GPC6: variants seen among roughly 807,000 people sequenced by gnomAD.
The protein encoded by GPC6 is glypican-6.
In GPC6, 14 loss-of-function variants were observed where a neutral mutation model predicts 55.2. The observed-to-expected ratio is 0.25, with a 90% CI of 0.17 to 0.40. The LOEUF (loss-of-function observed/expected upper bound fraction) is 0.40, where lower values mean the gene tolerates loss of function less well. Ranked by LOEUF, GPC6 falls within the 10% of genes least tolerant of loss-of-function variation. GPC6 has a pLI of 1.00. For missense variants in GPC6, 641 were observed against 708.5 expected, an observed-to-expected ratio of 0.90 and a Z score of 1.08; for synonymous variants, 278 against 259.6, an observed-to-expected ratio of 1.07 and a Z score of -0.68.
intron 6 of GPC6, among the ~76,000 whole-genome samples, chr13:94,332,131 CT>C: frequency 6.6e-6 from 1 of 152,306 alleles, no homozygotes; most frequent in South Asian, 2.1e-4. Flanking sequence ...ATTCCTTTGA[CT>C]ATTACCCGAT....
chr13:93,312,560 C>A (rs529445423), intron 1 of GPC6, among the ~76,000 whole-genome samples: 1 of 152,148 alleles, frequency 6.6e-6, no homozygotes, highest in East Asian at 1.9e-4. Flanking sequence ...CTTGTGATTG[C>A]TTTGAAAAGG....
intron 1 of GPC6, among the ~76,000 whole-genome samples, chr13:93,365,817 A>G (rs1881227393): frequency 2.0e-5 from 3 of 152,066 alleles, no homozygotes; most frequent in Admixed American, 6.6e-5. Flanking sequence ...AGCTGACACT[A>G]TCTCCTTGTG....
At chr13:93,954,535 A>G (rs1250815427) in intron 3 of GPC6, among the ~76,000 whole-genome samples, 1 of 152,098 alleles carries the variant, frequency 6.6e-6, no homozygotes, top group Non-Finnish European at 1.5e-5. Context: ...ATGCCTTTTT[A>G]TATTCCCAAG....
At chr13:93,251,704 T>C (rs1219059091) in intron 1 of GPC6, among the ~76,000 whole-genome samples, 1 of 152,176 alleles carries the variant, frequency 6.6e-6, no homozygotes, top group Non-Finnish European at 1.5e-5. Context: ...CTTCATGACA[T>C]GTGGTGATAA....
At chr13:93,381,445 AATT>A (rs1875165620) in intron 1 of GPC6, among the ~76,000 whole-genome samples, 1 of 152,164 alleles carries the variant, frequency 6.6e-6, no homozygotes, top group African/African-American at 2.4e-5. Flanking sequence ...TTTAAATCAT[AATT>A]ATTAATTCTT....
intron 1 of GPC6, among the ~76,000 whole-genome samples, chr13:93,274,107 T>C (rs1877647185): frequency 6.6e-6 from 1 of 152,202 alleles, no homozygotes; most frequent in African/African-American, 2.4e-5. Flanking sequence ...TGCCTCATTT[T>C]TTAAGGGAAA....
chr13:94,191,303 G>T (rs1047524936), intron 4 of GPC6, among the ~76,000 whole-genome samples: 1 of 152,144 alleles, frequency 6.6e-6, no homozygotes, highest in Non-Finnish European at 1.5e-5. Context: ...AAATCTTCTT[G>T]GTATTCCATG....
intron 2 of GPC6, among the ~76,000 whole-genome samples, chr13:93,679,406 G>A (rs532660080): frequency 6.6e-6 from 1 of 152,306 alleles, no homozygotes; most frequent in African/African-American, 2.4e-5. Flanking sequence ...ATGACTGGAA[G>A]AGTGGCAATT....
intron 2 of GPC6, among the ~76,000 whole-genome samples, chr13:93,597,007 C>CAAAAAAA (rs10709473): frequency 3.1e-4 from 21 of 68,054 alleles, no homozygotes; most frequent in African/African-American, 5.4e-4. Flanking sequence ...TCAAATCTGG[C>CAAAAAAA]AAAAAAAAAA....
chr13:93,839,563 C>G (rs540179753), intron 3 of GPC6, among the ~76,000 whole-genome samples: 1 of 152,058 alleles, frequency 6.6e-6, no homozygotes, highest in Admixed American at 6.6e-5. Context: ...GGCTTATCAC[C>G]GTTTACACTG....
At chr13:94,027,157 CA>C (rs1286803653) in intron 3 of GPC6, among the ~76,000 whole-genome samples, 3 of 152,154 alleles carry the variant, frequency 2.0e-5, no homozygotes, top group Non-Finnish European at 4.4e-5. Context: ...TTGCTTCTCA[CA>C]TTTAACACTG....
Position 94,052,942 on chromosome 13 carries a change from C to A in GPC6, c.877+25048C>A, listed in dbSNP as rs1288124053. Among the ~76,000 whole-genome samples the A allele has an allele frequency of 3.3e-5, 5 of 152,086 alleles. No homozygotes were observed. In the East Asian group the frequency reaches 9.7e-4, roughly 29 times the overall value. Reference sequence around the variant, plus strand: ...ACCTTGGGGCCACTACTCTGGGACTCTATTCTCTCTCAAGTGGCCTCTTAC... The same window carrying A: ...ACCTTGGGGCCACTACTCTGGGACTATATTCTCTCTCAAGTGGCCTCTTAC... On this transcript the variant is annotated intron_variant, in intron 4 of 8. Transcript: ENST00000377047.
At chr13:93,982,487 A>C (rs1409298862) in intron 3 of GPC6, among the ~76,000 whole-genome samples, 2 of 152,182 alleles carry the variant, frequency 1.3e-5, no homozygotes, top group Non-Finnish European at 2.9e-5. Flanking sequence ...TGAAAAGGGC[A>C]GTTTTAAAGA....
At chr13:93,551,379 G>A (rs958922974) in intron 2 of GPC6, among the ~76,000 whole-genome samples, 1 of 151,652 alleles carries the variant, frequency 6.6e-6, no homozygotes, top group African/African-American at 2.4e-5. Context: ...TCTTTGGGTT[G>A]ACTAGAGATT....
intron 1 of GPC6, among the ~76,000 whole-genome samples, chr13:93,367,333 T>C (rs1881287810): frequency 6.6e-6 from 1 of 152,136 alleles, no homozygotes; most frequent in Admixed American, 6.6e-5. Flanking sequence ...ATTTTTGTCA[T>C]ACCTCTTTTT....
At chr13:93,464,624 AT>A (rs1878837992) in intron 1 of GPC6, among the ~76,000 whole-genome samples, 1 of 152,012 alleles carries the variant, frequency 6.6e-6, no homozygotes, top group Admixed American at 6.6e-5. Flanking sequence ...TCTTTATACC[AT>A]GTCTCTGGTG....
At chr13:93,394,230 C>G (rs1332573927) in intron 1 of GPC6, among the ~76,000 whole-genome samples, 1 of 152,176 alleles carries the variant, frequency 6.6e-6, no homozygotes, top group Non-Finnish European at 1.5e-5. Context: ...TCATGGAGCT[C>G]ATGGAATTTG....
At chr13:94,365,195 G>T (rs974702498) in intron 6 of GPC6, among the ~76,000 whole-genome samples, 9 of 152,152 alleles carry the variant, frequency 5.9e-5, no homozygotes, top group African/African-American at 2.2e-4. Context: ...ACATATTCTG[G>T]GGAGGTCCTA....
chr13:94,116,777 A>G (rs1353871761), intron 4 of GPC6, among the ~76,000 whole-genome samples: 4 of 152,084 alleles, frequency 2.6e-5, no homozygotes, highest in African/African-American at 9.7e-5. Flanking sequence ...CACTGCCTTC[A>G]AGGATATTTG....
Sources: gnomAD v4.1 joint callset for allele counts (sites outside exome capture counted in the v4.1 genomes callset) on GRCh38, gnomAD v4.1.1 for gene constraint, MANE v1.5 for transcripts, NCBI Gene and HGNC (gene_info 2026-07-23, HGNC 2026-07-21) for gene names.